ANKRD30A: variants seen among roughly 807,000 people sequenced by gnomAD.
The protein encoded by ANKRD30A is ankyrin repeat domain 30A, also known as ankyrin repeat domain-containing protein 30A.
A neutral mutation model predicts 166.3 loss-of-function variants in ANKRD30A; 170 were observed. The ratio of observed to expected loss-of-function variants is 1.02; its 90% confidence interval spans 0.90 to 1.16. The LOEUF is 1.16. ANKRD30A is among the 50% of genes most tolerant of loss of function. The pLI, the probability that ANKRD30A is intolerant of heterozygous loss-of-function variation, is 0.00. For missense variants in ANKRD30A, 1,630 were observed against 1,518.0 expected (o/e 1.07, Z -1.23); for synonymous variants, 564 against 508.9 (o/e 1.11, Z -1.46).
intron 34 of ANKRD30A, among the ~76,000 whole-genome samples, chr10:37,227,588 A>G (rs72787554): frequency 0.044 from 6,632 of 152,114 alleles, 210 homozygotes; most frequent in Non-Finnish European, 0.055. Flanking sequence ...ATAAAAGTTC[A>G]GTATAGAGAA....
chr10:37,150,820 C>G (rs1837880778), intron 11 of ANKRD30A, among the ~76,000 whole-genome samples: 1 of 152,076 alleles, frequency 6.6e-6, no homozygotes, highest in South Asian at 2.1e-4. Flanking sequence ...TTAGTGTTAT[C>G]TGCTGATTTT....
chr10:37,158,454 A>C, intron 14 of ANKRD30A, 34 bp downstream of exon 14: 2 of 1,612,848 alleles, frequency 1.2e-6, no homozygotes, highest in Non-Finnish European at 1.7e-6. Context: ...TTGAGTATCA[A>C]CTACATATTT....
chr10:37,164,957 T>C, intron 17 of ANKRD30A, 137 bp from the exon 18 acceptor site: 1 of 865,462 alleles, frequency 1.2e-6, no homozygotes, highest in Non-Finnish European at 1.8e-6. Context: ...GAAGTAGTCA[T>C]TGTAATCAAC....
intron 31 of ANKRD30A, among the ~76,000 whole-genome samples, chr10:37,204,328 T>A (rs897827535): frequency 1.3e-5 from 2 of 151,934 alleles, no homozygotes; most frequent in African/African-American, 2.4e-5. Flanking sequence ...TCTACAACCA[T>A]CTGATCTTTG....
At chr10:37,149,535 A>G (rs1000520423) in intron 9 of ANKRD30A, 116 bp from the exon 10 acceptor site, 113 of 1,280,984 alleles carry the variant, frequency 8.8e-5, no homozygotes, top group Admixed American at 1.9e-4. Context: ...TCCAAATCTA[A>G]AGTATTCGTT....
At chr10:37,243,240 T>C in the ANKRD30A span, among the ~76,000 whole-genome samples, 1 of 151,386 alleles carries the variant, frequency 6.6e-6, no homozygotes. Flanking sequence ...GTTCACGCCA[T>C]TCTCCTGCCT....
chr10:37,165,443 A>AG (rs1839247695), intron 18 of ANKRD30A, among the ~76,000 whole-genome samples: 1 of 152,232 alleles, frequency 6.6e-6, no homozygotes. Flanking sequence ...ACGTTTGTCT[A>AG]AAAGCAAAAG....
At chr10:37,227,585 T>C (rs972812680) in intron 34 of ANKRD30A, among the ~76,000 whole-genome samples, 6 of 151,988 alleles carry the variant, frequency 3.9e-5, no homozygotes, top group African/African-American at 1.4e-4. Context: ...ATGATAAAAG[T>C]TCAGTATAGA....
chr10:37,139,275 G>A (rs1836937615), intron 6 of ANKRD30A, among the ~76,000 whole-genome samples: 1 of 152,212 alleles, frequency 6.6e-6, no homozygotes, highest in Admixed American at 6.5e-5. Flanking sequence ...CAGTGAAAGA[G>A]CAGCAAGGAT....
chr10:37,130,661 T>A (rs1435262682), intron 3 of ANKRD30A, among the ~76,000 whole-genome samples: 8 of 152,164 alleles, frequency 5.3e-5, no homozygotes, highest in Non-Finnish European at 1.0e-4. Context: ...TTCCAATTAG[T>A]GTAAAACTAG....
At chr10:37,157,904 C>A (rs1174880640) in intron 13 of ANKRD30A, among the ~76,000 whole-genome samples, 1 of 152,176 alleles carries the variant, frequency 6.6e-6, no homozygotes, top group African/African-American at 2.4e-5. Context: ...CACAACTTTG[C>A]AATTCCTAAA....
At chr10:37,141,188 C>T (rs1440831001) in intron 6 of ANKRD30A, among the ~76,000 whole-genome samples, 2 of 152,034 alleles carry the variant, frequency 1.3e-5, no homozygotes, top group African/African-American at 2.4e-5. Context: ...CCTTTGGAAG[C>T]TTATAATTAT....
At chr10:37,199,597 C>A in intron 29 of ANKRD30A, 130 bp from the exon 30 acceptor site, 2 of 497,812 alleles carry the variant, frequency 4.0e-6, no homozygotes, top group South Asian at 2.4e-5. Flanking sequence ...TCATTGTAAT[C>A]AACAAAAAGA....
At chr10:37,248,002 T>C in the ANKRD30A span, 3 of 341,136 alleles carry the variant, frequency 8.8e-6, no homozygotes, top group South Asian at 2.8e-5. Flanking sequence ...AGCCTGCTCA[T>C]GTACCCCTCA....
chr10:37,151,931 G>T, intron 11 of ANKRD30A, 129 bp from the exon 12 acceptor site: 6 of 744,540 alleles, frequency 8.1e-6, no homozygotes, highest in South Asian at 4.3e-5. Flanking sequence ...TATTGTAATC[G>T]ACAAAAAGAA....
At chr10:37,230,066 T>C (rs1008123324) in intron 34 of ANKRD30A, among the ~76,000 whole-genome samples, 2 of 151,982 alleles carry the variant, frequency 1.3e-5, no homozygotes, top group East Asian at 3.9e-4. Flanking sequence ...TAAGAGAGCA[T>C]GATATTGTTT....
chr10:37,221,044 AT>A (rs35150938), intron 34 of ANKRD30A, among the ~76,000 whole-genome samples: 20,032 of 130,796 alleles, frequency 0.15, 1,365 homozygotes, highest in African/African-American at 0.19. Context: ...TCCTTCCCAC[AT>A]TTTTTTTTTT....
intron 34 of ANKRD30A, among the ~76,000 whole-genome samples, chr10:37,221,476 T>A (rs1048465649): frequency 6.6e-6 from 1 of 151,188 alleles, no homozygotes; most frequent in African/African-American, 2.4e-5. Context: ...AAAAGTCAAG[T>A]ATGCATTAAA....
downstream of ANKRD30A, among the ~76,000 whole-genome samples, chr10:37,236,983 G>T (rs553855413): frequency 6.6e-6 from 1 of 152,116 alleles, no homozygotes; most frequent in Non-Finnish European, 1.5e-5. Context: ...CTGATGTTAT[G>T]ATATTAGTTT....
Sources: gnomAD v4.1 joint callset for allele counts (sites outside exome capture counted in the v4.1 genomes callset) on GRCh38, gnomAD v4.1.1 for gene constraint, MANE v1.5 for transcripts, NCBI Gene and HGNC (gene_info 2026-07-23, HGNC 2026-07-21) for gene names.